RBMS3: variants seen among roughly 807,000 people sequenced by gnomAD.
RBMS3 encodes the protein RNA-binding motif, single-stranded-interacting protein 3.
A neutral mutation model predicts 66.8 loss-of-function variants in RBMS3; 27 were observed. The observed-to-expected ratio is 0.40, with a 90% CI of 0.30 to 0.56. The LOEUF (loss-of-function observed/expected upper bound fraction) is 0.56. Ranked by LOEUF, RBMS3 falls within the 20% of genes least tolerant of loss-of-function variation. The probability of loss-of-function intolerance (pLI) is 0.40; values close to 1 mark genes in which losing one functional copy is unlikely to be tolerated. For synonymous variants in RBMS3, 188 were observed against 183.0 expected, an observed-to-expected ratio of 1.03 and a Z score of -0.22; for missense variants, 513 against 549.5, an observed-to-expected ratio of 0.93 and a Z score of 0.66.
chr3:29,676,785 T>C lies in RBMS3; in HGVS notation c.400-62935T>C, dbSNP rs893952503. Among the ~76,000 whole-genome samples, 8 of 152,182 alleles carry C rather than the reference T, an allele frequency of 5.3e-5. No homozygotes were observed. The South Asian group carries it at 1.0e-3, about 20-fold the overall frequency. ...TAAAAAATATACATGATGATAACTT[T>C]ACTGGGTGTAAAACACATGCCATTT... On this transcript the variant is annotated intron_variant, in intron 4 of 14. Transcript: ENST00000383767.
intron 4 of RBMS3, among the ~76,000 whole-genome samples, chr3:29,711,110 G>A (rs1010542551): frequency 6.6e-6 from 1 of 152,126 alleles, no homozygotes; most frequent in African/African-American, 2.4e-5. Context: ...ATACATAGCT[G>A]TGATAAAGTT....
intron 1 of RBMS3, among the ~76,000 whole-genome samples, chr3:29,305,413 T>C (rs905277382): frequency 3.9e-5 from 6 of 151,948 alleles, no homozygotes; most frequent in African/African-American, 1.4e-4. Context: ...CAATGGCTTG[T>C]TCTCAACACA....
chr3:29,464,110 C>G (rs1237718173), intron 2 of RBMS3, among the ~76,000 whole-genome samples: 1 of 152,122 alleles, frequency 6.6e-6, no homozygotes, highest in African/African-American at 2.4e-5. Context: ...AACTTGTGTA[C>G]AAATTGACCA....
chr3:29,611,971 A>G (rs531342162), intron 4 of RBMS3, among the ~76,000 whole-genome samples: 20 of 152,134 alleles, frequency 1.3e-4, no homozygotes, highest in African/African-American at 4.6e-4. Flanking sequence ...CAAGGCCTAC[A>G]GTCTAATTCC....
intron 1 of RBMS3, among the ~76,000 whole-genome samples, chr3:29,344,061 T>C (rs557555603): frequency 6.6e-6 from 1 of 152,296 alleles, no homozygotes; most frequent in East Asian, 1.9e-4. Flanking sequence ...CTTTCCTAAG[T>C]CTCTATTATT....
chr3:29,294,613 G>A (rs879501096), intron 1 of RBMS3, among the ~76,000 whole-genome samples: 11 of 151,606 alleles, frequency 7.3e-5, no homozygotes, highest in Admixed American at 6.6e-4. Context: ...TAGTGGTGGT[G>A]GTCTGGAGAA....
chr3:29,636,751 A>G (rs553098074), intron 4 of RBMS3, among the ~76,000 whole-genome samples: 4 of 152,052 alleles, frequency 2.6e-5, no homozygotes, highest in African/African-American at 7.2e-5. Context: ...AAATGAAAGC[A>G]TTATTACTTG....
chr3:29,903,958 A>G (rs1453986586), intron 10 of RBMS3, among the ~76,000 whole-genome samples: 1 of 151,980 alleles, frequency 6.6e-6, no homozygotes, highest in Non-Finnish European at 1.5e-5. Flanking sequence ...AGGCTGTTTA[A>G]GAAGCCCCAG....
At chr3:29,889,540 A>G (rs1261930980) in intron 8 of RBMS3, among the ~76,000 whole-genome samples, 1 of 151,668 alleles carries the variant, frequency 6.6e-6, no homozygotes, top group Non-Finnish European at 1.5e-5. Context: ...TAAAGATAAT[A>G]ATATCAGTAC....
Position 29,316,092 on chromosome 3 carries a change from T to TA in RBMS3, c.75+34343dup, listed in dbSNP as rs1159912993. Among the ~76,000 whole-genome samples, 4 of 151,536 alleles carry TA rather than the reference T, an allele frequency of 2.6e-5. No individual in the cohort carries two copies. The South Asian group carries it at 6.3e-4, about 24-fold the overall frequency. On this transcript the variant is annotated intron_variant, in intron 1 of 14. Coordinates refer to ENST00000383767, the MANE Select transcript of RBMS3 (RefSeq NM_001003793.3). ...AGAATATCTAAGAACCAGTAAAAAA[T>TA]AAAAAAATATTTCAGGAAAGAGGCC...
chr3:29,467,625 T>C (rs141582253), intron 2 of RBMS3, among the ~76,000 whole-genome samples: 43 of 152,246 alleles, frequency 2.8e-4, no homozygotes, highest in African/African-American at 1.0e-3. Context: ...GGTAAAATGT[T>C]CAAGGAAAAG....
chr3:29,582,353 T>G (rs1307667860), intron 3 of RBMS3, among the ~76,000 whole-genome samples: 1 of 152,224 alleles, frequency 6.6e-6, no homozygotes, highest in East Asian at 1.9e-4. Context: ...AATGACCTAA[T>G]TATCACAGAG....
intron 6 of RBMS3, among the ~76,000 whole-genome samples, chr3:29,829,022 CT>C (rs1282345488): frequency 2.1e-5 from 1 of 47,544 alleles, no homozygotes; most frequent in Non-Finnish European, 5.5e-5. Flanking sequence ...TTCTTTCTTT[CT>C]TTCTTTCTTT....
chr3:29,407,155 C>A (rs2040056271), intron 1 of RBMS3, among the ~76,000 whole-genome samples: 1 of 152,170 alleles, frequency 6.6e-6, no homozygotes, highest in Non-Finnish European at 1.5e-5. Context: ...CAAATGATAA[C>A]AATGACCAAC....
chr3:29,320,975 T>C (rs998897416), intron 1 of RBMS3, among the ~76,000 whole-genome samples: 1 of 152,064 alleles, frequency 6.6e-6, no homozygotes, highest in African/African-American at 2.4e-5. Context: ...TTAAACTTTA[T>C]TCCTGTGTCA....
intron 1 of RBMS3, among the ~76,000 whole-genome samples, chr3:29,286,309 T>G (rs1248266265): frequency 6.6e-6 from 1 of 152,000 alleles, no homozygotes; most frequent in Admixed American, 6.6e-5. Flanking sequence ...TTTTTTTTCT[T>G]AACTCCCCCA....
At chr3:30,001,785 CTTAT>C (rs1699623477) in intron 14 of RBMS3, among the ~76,000 whole-genome samples, 1 of 150,802 alleles carries the variant, frequency 6.6e-6, no homozygotes, top group Non-Finnish European at 1.5e-5. Context: ...TATTTTATTT[CTTAT>C]TTTATTATTT....
intron 2 of RBMS3, among the ~76,000 whole-genome samples, chr3:29,442,182 T>C (rs1375373483): frequency 1.3e-5 from 2 of 152,144 alleles, no homozygotes; most frequent in Non-Finnish European, 2.9e-5. Flanking sequence ...CTATTTTGAC[T>C]CATATGATTA....
intron 3 of RBMS3, among the ~76,000 whole-genome samples, chr3:29,562,489 G>C (rs1199800899): frequency 6.6e-6 from 1 of 152,134 alleles, no homozygotes; most frequent in Non-Finnish European, 1.5e-5. Flanking sequence ...TGGTCTACAA[G>C]GAAGAAACTA....
Sources: allele counts gnomAD v4.1 joint callset (sites outside exome capture counted in the v4.1 genomes callset), GRCh38; gene constraint gnomAD v4.1.1; transcripts MANE v1.5; gene names NCBI Gene and HGNC (gene_info 2026-07-23, HGNC 2026-07-21).